Variants in NLRC5 observed in about 807,000 individuals in gnomAD.
NLRC5 encodes the protein protein NLRC5.
In NLRC5, 114 loss-of-function variants were observed where a neutral mutation model predicts 206.9. The observed-to-expected ratio is 0.55, with a 90% CI of 0.47 to 0.64. NLRC5 has a LOEUF of 0.64. NLRC5 is among the 30% of genes least tolerant of loss of function. NLRC5 has a pLI of 0.00. For synonymous variants in NLRC5, 952 were observed against 962.8 expected, an observed-to-expected ratio of 0.99 and a Z score of 0.21; for missense variants, 2,008 against 2,305.5, an observed-to-expected ratio of 0.87 and a Z score of 2.64.
intron 43 of NLRC5, among the ~76,000 whole-genome samples, chr16:57,078,693 A>G (rs563991905): frequency 2.6e-5 from 4 of 151,198 alleles, no homozygotes; most frequent in Admixed American, 1.3e-4. Flanking sequence ...CTGGTCTTGG[A>G]CTCCTGGCCT....
At chr16:57,079,450 G>C in intron 45 of NLRC5, 96 bp from the exon 46 acceptor site, 1 of 1,382,080 alleles carries the variant, frequency 7.2e-7, no homozygotes, top group Non-Finnish European at 1.0e-6. Context: ...AAAACGCCTA[G>C]CTTACCCCAG....
Position 57,025,612 on chromosome 16 carries a change from G to A in NLRC5, c.669G>A (p.Val223=), listed in dbSNP as rs200060391. Residue 223 remains valine (V), a synonymous_variant, in exon 6 of 49, where the codon GTG becomes GTA. Transcript: ENST00000688547. ...CCAGGGTTAACAAGGGCCCGAGGGT[G>A]ACCGTGCTTTTGGGGAAGGCTGGCA... The part of the protein sequence containing the change: ...FNTRVNKGPR[V]TVLLGKAGMG... 7.4e-6 allele frequency: 12 copies of A among 1,614,054 alleles called. No homozygotes were observed. The Admixed American group carries it at 1.3e-4, about 18-fold the overall frequency.
At chr16:57,049,463 CACGGTG>C (rs2064526324) in intron 23 of NLRC5, among the ~76,000 whole-genome samples, 2 of 151,744 alleles carry the variant, frequency 1.3e-5, no homozygotes, top group Admixed American at 6.6e-5. Context: ...GGCGGCCCGG[CACGGTG>C]ACTCACGCCT....
At chr16:57,054,184 G>T (rs942569264) in intron 24 of NLRC5, among the ~76,000 whole-genome samples, 1 of 152,138 alleles carries the variant, frequency 6.6e-6, no homozygotes, top group Non-Finnish European at 1.5e-5. Flanking sequence ...TCATGACTGC[G>T]GGTGAGGGGT....
intron 23 of NLRC5, 97 bp from the exon 24 acceptor site, chr16:57,051,441 G>T: frequency 1.2e-6 from 1 of 847,198 alleles, no homozygotes. Flanking sequence ...AGGTGACCCT[G>T]GTTAGGTCCC....
intron 15 of NLRC5, among the ~76,000 whole-genome samples, chr16:57,038,028 A>C (rs1414217240): frequency 6.6e-6 from 1 of 152,194 alleles, no homozygotes; most frequent in Non-Finnish European, 1.5e-5. Flanking sequence ...CACTTCCAGG[A>C]ACTTATACTA....
At chr16:57,046,662 G>C in intron 22 of NLRC5, 21 bp downstream of exon 22, 1 of 1,605,040 alleles carries the variant, frequency 6.2e-7, no homozygotes, top group Non-Finnish European at 8.5e-7. Flanking sequence ...AGCCCTTCTT[G>C]TTTGGGGGTA....
rs117445955 is a variant in NLRC5, at chr16:57,078,204, G to A, written c.5081+184G>A. On this transcript the variant is annotated intron_variant, in intron 43 of 48. Transcript: ENST00000688547. ...TGCAGCAAGAAAATCAGGAGGCCCAGCCTAGTCCTGGCTCTGCCACTGGCC... is the reference window on the plus strand; with the variant it reads ...TGCAGCAAGAAAATCAGGAGGCCCAACCTAGTCCTGGCTCTGCCACTGGCC... Among the ~76,000 whole-genome samples the A allele has an allele frequency of 3.5e-4, 54 of 152,340 alleles. 2 individuals carry two copies. In the East Asian group the frequency reaches 9.3e-3, roughly 26 times the overall value.
chr16:57,010,119 C>A (rs1378424152), intron 1 of NLRC5, among the ~76,000 whole-genome samples: 3 of 152,116 alleles, frequency 2.0e-5, no homozygotes, highest in Admixed American at 6.5e-5. Context: ...GTCTGGGGAG[C>A]AGTTTAGGAG....
intron 1 of NLRC5, among the ~76,000 whole-genome samples, chr16:56,998,516 T>C (rs574374880): frequency 1.3e-5 from 2 of 152,320 alleles, no homozygotes; most frequent in East Asian, 1.9e-4. Flanking sequence ...ATCCCCATTT[T>C]ACAGATGAGA....
chr16:57,061,138 A>C (rs1313977110), intron 30 of NLRC5, among the ~76,000 whole-genome samples: 4 of 152,254 alleles, frequency 2.6e-5, no homozygotes, highest in Non-Finnish European at 4.4e-5. Context: ...TATGAGAATT[A>C]AAGGAGACCC....
rs60550061 is a variant in NLRC5, at chr16:57,032,997, T to TA, written c.2478-594dup. On this transcript the variant is annotated intron_variant, in intron 11 of 48. Coordinates refer to ENST00000688547, the MANE Select transcript of NLRC5 (RefSeq NM_001384950.1). ...TGGGGACTGAGTGGGACCCTGTCTC[T>TA]AAAAAAAAAAAAATGGTTAGCACCA... Among the ~76,000 whole-genome samples the TA allele has an allele frequency of 2.5e-3, 362 of 143,858 alleles. 3 individuals carry two copies. Among genetic ancestry groups the TA allele is most frequent in the Middle Eastern group, 0.014 (4 of 284 alleles). The allele number at this position is 143,858 out of a possible 152,430, so 94.4% of individuals were successfully genotyped here.
Position 57,042,081 on chromosome 16 carries a change from G to A in NLRC5, c.3113+16G>A. The A allele has an allele frequency of 6.7e-7, 1 of 1,493,594 alleles. No individual in the cohort carries two copies. The highest frequency in any genetic ancestry group is 8.9e-7 in the Non-Finnish European group (1 of 1,119,216). The allele number at this position is 1,493,594 out of a possible 1,614,324, so 92.5% of individuals were successfully genotyped here. A position where few individuals can be genotyped will look rare whatever the true frequency, so the allele number is the denominator to read the frequency against. Reference sequence around the variant, plus strand: ...AGTCCTTGAAGTGAGTAGCCCGCTAGGCAGAGCCTCTGAGGCTGGGGCAGG... The same window carrying A: ...AGTCCTTGAAGTGAGTAGCCCGCTAAGCAGAGCCTCTGAGGCTGGGGCAGG... On this transcript the variant is annotated intron_variant, in intron 19 of 48. Transcript: ENST00000688547.
chr16:57,059,282 G>A (rs1471127222), intron 29 of NLRC5, 185 bp from the exon 30 acceptor site: 1 of 1,462,662 alleles, frequency 6.8e-7, no homozygotes, highest in South Asian at 1.4e-5. Context: ...CCATGGGGTG[G>A]GAAGGCCAGG....
At chr16:57,073,359 G>T (rs1443449657) in intron 38 of NLRC5, among the ~76,000 whole-genome samples, 2 of 152,290 alleles carry the variant, frequency 1.3e-5, no homozygotes, top group East Asian at 3.9e-4. Flanking sequence ...CCCACAGGCA[G>T]TTACCCTCAA....
intron 45 of NLRC5, 113 bp downstream of exon 45, chr16:57,079,405 G>T: frequency 7.2e-7 from 1 of 1,387,440 alleles, no homozygotes; most frequent in African/African-American, 1.4e-5. Flanking sequence ...CCCCAGGGAT[G>T]GTGGGGGCCT....
rs552382084 is a variant in NLRC5 at position 56,996,212 on chromosome 16, A to G, written c.-128+6595A>G. Among the ~76,000 whole-genome samples, 20 of 152,128 alleles carry G rather than the reference A, an allele frequency of 1.3e-4. No individual in the cohort carries two copies. In the South Asian group the frequency reaches 3.9e-3, roughly 30 times the overall value. On this transcript the variant is annotated intron_variant, in intron 1 of 48. Coordinates refer to ENST00000688547, the MANE Select transcript of NLRC5 (RefSeq NM_001384950.1). Reference sequence around the variant, plus strand: ...TAGACAAGGTCTCACTCTGTCACCCAGGCTGGAGTGCACTGGTTGCACAGC... The same window carrying G: ...TAGACAAGGTCTCACTCTGTCACCCGGGCTGGAGTGCACTGGTTGCACAGC...
intron 32 of NLRC5, among the ~76,000 whole-genome samples, chr16:57,063,215 C>T (rs1333181919): frequency 5.3e-5 from 8 of 149,712 alleles, no homozygotes; most frequent in African/African-American, 2.0e-4. Context: ...TGGGTTCAAG[C>T]GATTCTCCTG....
chr16:57,021,051 T>TGCG, intron 3 of NLRC5, 44 bp downstream of exon 3: 1 of 1,587,252 alleles, frequency 6.3e-7, no homozygotes. Context: ...GGCCAGTACC[T>TGCG]GCGTCATGGG....
Sources: gnomAD v4.1 joint callset for allele counts (sites outside exome capture counted in the v4.1 genomes callset) on GRCh38, gnomAD v4.1.1 for gene constraint, MANE v1.5 for transcripts, NCBI Gene and HGNC (gene_info 2026-07-23, HGNC 2026-07-21) for gene names.